The following PDE3B variants were observed in gnomAD, a reference collection of about 807,000 sequenced individuals.
PDE3B encodes cGMP-inhibited 3',5'-cyclic phosphodiesterase 3B.
In PDE3B, 66 loss-of-function variants were observed where a neutral mutation model predicts 116.8. That is an observed-to-expected ratio of 0.56 (90% CI 0.46 to 0.69). The LOEUF (loss-of-function observed/expected upper bound fraction) is 0.69, where lower values mean the gene tolerates loss of function less well. PDE3B is among the 30% of genes least tolerant of loss of function. The pLI, the probability that PDE3B is intolerant of heterozygous loss-of-function variation, is 0.00. For synonymous variants in PDE3B, 595 were observed against 533.6 expected, an observed-to-expected ratio of 1.12 and a Z score of -1.59; for missense variants, 1,384 against 1,368.1, an observed-to-expected ratio of 1.01 and a Z score of -0.18.
chr11:14,650,377 A>G (rs1853539775), intron 1 of PDE3B, among the ~76,000 whole-genome samples: 1 of 151,752 alleles, frequency 6.6e-6, no homozygotes, highest in African/African-American at 2.4e-5. Flanking sequence ...TAATTTTTGT[A>G]TCTTTTTTTT....
rs776379954 is a variant in PDE3B at position 14,804,030 on chromosome 11, A to G, written c.1502A>G (p.His501Arg). 3 of 1,603,118 alleles carry G rather than the reference A, an allele frequency of 1.9e-6. No individual in the cohort carries two copies. The highest frequency in any genetic ancestry group is 2.6e-6 in the Non-Finnish European group (3 of 1,170,036). ...QRSSSVSLTH[H>R]VGLRRAGVLS... Reference sequence around the variant, plus strand: ...TCATCTTCTGTATCACTGACTCACCATGTAGGTCTCAGAAGAGCTGGTAAG... The same window carrying G: ...TCATCTTCTGTATCACTGACTCACCGTGTAGGTCTCAGAAGAGCTGGTAAG... Residue 501 changes from histidine to arginine, a missense_variant, in exon 5 of 16, where the codon CAT (histidine) becomes CGT (arginine). His to Arg is a conservative substitution (Grantham distance 29). This residue lies in a region of PDE3B where 956 missense variants were observed against 806.8 expected (regional missense o/e 1.18). Coordinates refer to ENST00000282096, the MANE Select transcript of PDE3B (RefSeq NM_000922.4).
At chr11:14,779,650 C>A (rs1243093328) in intron 2 of PDE3B, among the ~76,000 whole-genome samples, 1 of 152,134 alleles carries the variant, frequency 6.6e-6, no homozygotes, top group South Asian at 2.1e-4. Context: ...GCCTGCCTTA[C>A]AAGAGCTCCT....
intron 1 of PDE3B, among the ~76,000 whole-genome samples, chr11:14,648,245 A>T (rs1228339313): frequency 2.6e-5 from 4 of 152,002 alleles, no homozygotes; most frequent in African/African-American, 9.7e-5. Flanking sequence ...TGTGTGAGAT[A>T]TTTTTCTATA....
intron 7 of PDE3B, among the ~76,000 whole-genome samples, 174 bp from the exon 8 acceptor site, chr11:14,830,524 T>C (rs187488744): frequency 5.9e-5 from 9 of 152,180 alleles, no homozygotes; most frequent in Non-Finnish European, 8.8e-5. Flanking sequence ...GAGCATAAGG[T>C]ATCTAGGCAA....
chr11:14,819,271 A>T, intron 7 of PDE3B, 62 bp downstream of exon 7: 1 of 957,762 alleles, frequency 1.0e-6, no homozygotes, highest in Non-Finnish European at 1.7e-6. Flanking sequence ...TGATTTTTAG[A>T]ATGGGAAAAT....
At chr11:14,868,628 T>C (rs1848090172) in intron 15 of PDE3B, among the ~76,000 whole-genome samples, 1 of 152,270 alleles carries the variant, frequency 6.6e-6, no homozygotes, top group Middle Eastern at 3.4e-3. Flanking sequence ...CATTTTAAAG[T>C]AGAATTTAAA....
chr11:14,666,710 A>G (rs1775995682), intron 1 of PDE3B, among the ~76,000 whole-genome samples: 1 of 151,490 alleles, frequency 6.6e-6, no homozygotes, highest in Non-Finnish European at 1.5e-5. Context: ...CCATCAGAGA[A>G]ATGCAAATCA....
At chr11:14,850,124 G>A (rs1847710963) in intron 12 of PDE3B, among the ~76,000 whole-genome samples, 1 of 152,158 alleles carries the variant, frequency 6.6e-6, no homozygotes, top group African/African-American at 2.4e-5. Flanking sequence ...TGAAGAAAAT[G>A]TGGCACATAT....
At position 14,831,685 on chromosome 11, in the gene PDE3B, G is replaced by A. The variant is rs771448175; in HGVS notation, c.2002G>A (p.Asp668Asn). ...GGACCTGATTTTAGTAGAAGAGTAT[G>A]ACTCATTAATAGAAAAGATGAGCAA... ...SLDLILVEEYDSLIEKMSNWN... is the reference protein window; with the variant it reads ...SLDLILVEEYNSLIEKMSNWN... Residue 668 changes from aspartate to asparagine, a missense_variant, in exon 9 of 16, where the codon GAC becomes AAC. Transcript: ENST00000282096. The A allele has an allele frequency of 3.8e-6, 6 of 1,597,160 alleles. No individual in the cohort carries two copies. Among genetic ancestry groups the A allele is most frequent in the African/African-American group, 2.7e-5 (2 of 74,550 alleles).
intron 1 of PDE3B, among the ~76,000 whole-genome samples, chr11:14,730,018 T>C (rs1187003580): frequency 5.9e-5 from 9 of 152,050 alleles, no homozygotes; most frequent in Admixed American, 5.2e-4. Flanking sequence ...AGGCAGCAAA[T>C]AGGACCACAA....
chr11:14,654,626 A>G (rs763501118), intron 1 of PDE3B, among the ~76,000 whole-genome samples: 1 of 152,206 alleles, frequency 6.6e-6, no homozygotes, highest in Non-Finnish European at 1.5e-5. Context: ...AGACATTATT[A>G]ACAATGTCTT....
chr11:14,755,947 A>G (rs1003474765), intron 1 of PDE3B, among the ~76,000 whole-genome samples: 1 of 152,204 alleles, frequency 6.6e-6, no homozygotes, highest in Non-Finnish European at 1.5e-5. Flanking sequence ...TAGAGTTTCA[A>G]CTATTAGTGT....
intron 1 of PDE3B, among the ~76,000 whole-genome samples, chr11:14,665,262 A>G (rs1455338573): frequency 3.9e-5 from 6 of 152,148 alleles, no homozygotes; most frequent in African/African-American, 1.2e-4. Context: ...TTGATGGGAC[A>G]TATCTCAAAA....
intron 12 of PDE3B, among the ~76,000 whole-genome samples, chr11:14,850,714 AAAATTCC>A (rs1847728092): frequency 6.6e-6 from 1 of 152,206 alleles, no homozygotes; most frequent in Admixed American, 6.5e-5. Flanking sequence ...GGTAAAATAT[AAAATTCC>A]TTTAAGGTCA....
chr11:14,650,913 T>C (rs1853557328), intron 1 of PDE3B, among the ~76,000 whole-genome samples: 1 of 152,104 alleles, frequency 6.6e-6, no homozygotes, highest in Admixed American at 6.5e-5. Flanking sequence ...TAGTGAGACC[T>C]ATATCAGACT....
rs1848075440 is a variant in PDE3B, at chr11:14,867,778, A to G, written c.3139+20A>G. On this transcript the variant is annotated intron_variant, in intron 15 of 15. Transcript: ENST00000282096. ...ATCCAAGTAAGAATATAGGGACATTATAATTTATTTAATGTTATAGGTTGA... is the reference window on the plus strand; with the variant it reads ...ATCCAAGTAAGAATATAGGGACATTGTAATTTATTTAATGTTATAGGTTGA... The G allele has an allele frequency of 1.3e-6, 2 of 1,582,800 alleles. No individual in the cohort carries two copies. Among genetic ancestry groups the G allele is most frequent in the Non-Finnish European group, 1.7e-6 (2 of 1,155,012 alleles).
chr11:14,792,075 A>G (rs1378649631), intron 4 of PDE3B, among the ~76,000 whole-genome samples: 2 of 152,086 alleles, frequency 1.3e-5, no homozygotes, highest in African/African-American at 4.8e-5. Flanking sequence ...TTGTCTAGTC[A>G]TTGCATTTTT....
At chr11:14,851,115 G>A (rs528681417) in intron 12 of PDE3B, among the ~76,000 whole-genome samples, 4 of 151,522 alleles carry the variant, frequency 2.6e-5, no homozygotes, top group Non-Finnish European at 4.4e-5. Context: ...GAGCCACCAC[G>A]CCTGGCCCTA....
intron 1 of PDE3B, among the ~76,000 whole-genome samples, chr11:14,745,231 TAA>T (rs1856881302): frequency 6.6e-6 from 1 of 152,232 alleles, no homozygotes; most frequent in South Asian, 2.1e-4. Context: ...ATTCTGTAAT[TAA>T]ATATCTGTGA....
Sources: allele counts gnomAD v4.1 joint callset (sites outside exome capture counted in the v4.1 genomes callset), GRCh38; gene constraint gnomAD v4.1.1; regional missense constraint gnomAD v4.1.1; transcripts MANE v1.5; gene names NCBI Gene and HGNC (gene_info 2026-07-23, HGNC 2026-07-21).